MPPED2: variants seen among roughly 807,000 people sequenced by gnomAD.
MPPED2 encodes the protein metallophosphoesterase domain containing 2.
In MPPED2, 5 loss-of-function variants were observed where a neutral mutation model predicts 33.0. The ratio of observed to expected loss-of-function variants is 0.15; its 90% confidence interval spans 0.08 to 0.32. The LOEUF (loss-of-function observed/expected upper bound fraction) is 0.32, where lower values mean the gene tolerates loss of function less well. Ranked by LOEUF, MPPED2 falls within the 10% of genes least tolerant of loss-of-function variation. MPPED2 has a pLI of 1.00. For missense variants in MPPED2, 275 were observed against 372.1 expected (o/e 0.74, Z 2.15); for synonymous variants, 136 against 141.9 (o/e 0.96, Z 0.29).
chr11:30,401,822 C>A (rs1947911892), intron 6 of MPPED2, among the ~76,000 whole-genome samples: 1 of 150,824 alleles, frequency 6.6e-6, no homozygotes, highest in Non-Finnish European at 1.5e-5. Flanking sequence ...GTAGCTGGGA[C>A]TACAGGCACC....
chr11:30,389,642 A>G (rs1160285141), intron 6 of MPPED2, among the ~76,000 whole-genome samples: 4 of 152,184 alleles, frequency 2.6e-5, no homozygotes, highest in Non-Finnish European at 5.9e-5. Context: ...TACATATCCT[A>G]TCATACACTG....
chr11:30,385,322 C>T (rs1326261284), exon 7 of MPPED2: 1 of 152,204 alleles, frequency 6.6e-6, no homozygotes, highest in Non-Finnish European at 1.5e-5. Context: ...TCAATGTGAA[C>T]TTGTCCTGAA....
intron 3 of MPPED2, among the ~76,000 whole-genome samples, chr11:30,517,360 T>C (rs190929679): frequency 6.6e-6 from 1 of 152,238 alleles, no homozygotes; most frequent in South Asian, 2.1e-4. Context: ...AACACTTTTA[T>C]GAACACTGGG....
chr11:30,572,218 C>A (rs1956727379), intron 2 of MPPED2, among the ~76,000 whole-genome samples: 1 of 152,064 alleles, frequency 6.6e-6, no homozygotes, highest in African/African-American at 2.4e-5. Flanking sequence ...AAACAAAAAC[C>A]ACTGTCCAAT....
chr11:30,423,998 T>C (rs190978245), intron 4 of MPPED2, among the ~76,000 whole-genome samples: 90 of 152,292 alleles, frequency 5.9e-4, no homozygotes, highest in African/African-American at 2.0e-3. Flanking sequence ...ACTTCCTCAG[T>C]TCACTTTTGA....
intron 4 of MPPED2, chr11:30,441,427 T>G (rs145007124): frequency 2.0e-5 from 3 of 152,176 alleles, no homozygotes; most frequent in Non-Finnish European, 4.4e-5. Flanking sequence ...AAATCAGAAA[T>G]GGAACAAGTG....
At chr11:30,581,434 A>T (rs190139110) in intron 1 of MPPED2, among the ~76,000 whole-genome samples, 1 of 152,292 alleles carries the variant, frequency 6.6e-6, no homozygotes, top group African/African-American at 2.4e-5. Flanking sequence ...AGGGAAGCAA[A>T]TTCTCATGTC....
intron 4 of MPPED2, among the ~76,000 whole-genome samples, chr11:30,454,881 T>C (rs576088028): frequency 6.6e-6 from 1 of 152,332 alleles, no homozygotes; most frequent in South Asian, 2.1e-4. Flanking sequence ...AGCGATCATA[T>C]TCCTATTCAA....
intron 4 of MPPED2, among the ~76,000 whole-genome samples, chr11:30,467,868 G>C (rs1232360996): frequency 1.3e-5 from 2 of 152,174 alleles, no homozygotes; most frequent in African/African-American, 2.4e-5. Context: ...GTTGGGGGTA[G>C]GAGGGGGCTG....
Position 30,410,616 on chromosome 11 carries a change from G to A in MPPED2, c.*852C>T, listed in dbSNP as rs1948069155. The A allele has an allele frequency of 2.0e-5, 20 of 985,692 alleles. No individual in the cohort carries two copies. Among genetic ancestry groups the A allele is most frequent in the Non-Finnish European group, 2.4e-5 (20 of 829,924 alleles). 61.1% of individuals were successfully genotyped at this position (985,692 alleles called of 1,614,324 possible). A position where few individuals can be genotyped will look rare whatever the true frequency, so the allele number is the denominator to read the frequency against. ...CTGAGAGAATGTGTCAGTTCCTTCC[G>A]ACTTCTGATGTGTTGCTATACAGCA... On this transcript the variant is annotated 3_prime_UTR_variant, in exon 7 of 7. Transcript: ENST00000358117.
intron 3 of MPPED2, among the ~76,000 whole-genome samples, chr11:30,501,244 C>G (rs1320847587): frequency 1.3e-5 from 2 of 152,154 alleles, no homozygotes; most frequent in African/African-American, 4.8e-5. Flanking sequence ...TTGGACCACT[C>G]CCTGATGCCA....
intron 4 of MPPED2, among the ~76,000 whole-genome samples, chr11:30,455,533 C>T (rs1950244531): frequency 6.6e-6 from 1 of 152,154 alleles, no homozygotes; most frequent in African/African-American, 2.4e-5. Context: ...AAGGTGTTTT[C>T]CATTCATACA....
rs757467009 is a variant in MPPED2 at position 30,546,374 on chromosome 11, G to A, written c.129-10199C>T. On this transcript the variant is annotated intron_variant, in intron 2 of 6. Transcript: ENST00000358117. ...TTTAATGTTGTAGGGGAGAGAGTTGGGAGTGGGGTTTACAAAGAGCATTAA... is the reference window on the plus strand; with the variant it reads ...TTTAATGTTGTAGGGGAGAGAGTTGAGAGTGGGGTTTACAAAGAGCATTAA... Among the ~76,000 whole-genome samples the A allele has an allele frequency of 2.1e-4, 32 of 152,000 alleles. 1 individual carries two copies. The highest frequency in any genetic ancestry group is 1.4e-3 in the Admixed American group (21 of 15,254).
intron 3 of MPPED2, among the ~76,000 whole-genome samples, chr11:30,528,475 C>A (rs549767): frequency 0.11 from 17,344 of 152,126 alleles, 1,483 homozygotes; most frequent in African/African-American, 0.24. Context: ...CCACGCTGGT[C>A]TCAAACTCCT....
intron 1 of MPPED2, among the ~76,000 whole-genome samples, chr11:30,583,252 G>A (rs1957275917): frequency 6.8e-6 from 1 of 146,866 alleles, no homozygotes; most frequent in African/African-American, 2.6e-5. Flanking sequence ...AAGACAGAAG[G>A]ATACACTGCT....
chr11:30,420,619 C>T (rs1421074499), intron 4 of MPPED2, among the ~76,000 whole-genome samples: 2 of 152,158 alleles, frequency 1.3e-5, no homozygotes, highest in African/African-American at 2.4e-5. Context: ...AACACAGCCA[C>T]ACCGCCTTGC....
At chr11:30,582,085 T>A (rs1017202015) in intron 1 of MPPED2, among the ~76,000 whole-genome samples, 6 of 152,202 alleles carry the variant, frequency 3.9e-5, no homozygotes, top group Admixed American at 3.9e-4. Flanking sequence ...TGCAGCTGTT[T>A]CCTTAATTTC....
At chr11:30,456,610 T>G (rs1470552628) in intron 4 of MPPED2, among the ~76,000 whole-genome samples, 1 of 152,136 alleles carries the variant, frequency 6.6e-6, no homozygotes, top group Admixed American at 6.5e-5. Flanking sequence ...ATCCATGTAC[T>G]TGATGGTTAG....
rs553392185 is a variant in MPPED2, at chr11:30,585,333, T to C, written c.-122+709A>G. 5.3e-3 allele frequency among the ~76,000 whole-genome samples: 805 copies of C among 151,662 alleles called. 21 individuals carry two copies. The highest frequency in any genetic ancestry group is 0.047 in the Admixed American group (712 of 15,270). On this transcript the variant is annotated intron_variant, in intron 1 of 6. Coordinates refer to ENST00000358117, the MANE Select transcript of MPPED2 (RefSeq NM_001584.3). ...ACCCAGGCAGCGGCGGAGAGTGAGGTTGGGGCGCGGGGACGGGGTGAGAAA... is the reference window on the plus strand; with the variant it reads ...ACCCAGGCAGCGGCGGAGAGTGAGGCTGGGGCGCGGGGACGGGGTGAGAAA...
Sources: allele counts gnomAD v4.1 joint callset (sites outside exome capture counted in the v4.1 genomes callset), GRCh38; gene constraint gnomAD v4.1.1; transcripts MANE v1.5; gene names NCBI Gene and HGNC (gene_info 2026-07-23, HGNC 2026-07-21).